The following CTNNA2 variants were observed in gnomAD, a reference collection of about 807,000 sequenced individuals.
The protein encoded by CTNNA2 is catenin alpha 2, also known as catenin alpha-2.
In CTNNA2, 42 loss-of-function variants were observed where a neutral mutation model predicts 101.0. The observed-to-expected ratio is 0.42, with a 90% CI of 0.32 to 0.54. The LOEUF is 0.54. Ranked by LOEUF, CTNNA2 falls within the 20% of genes least tolerant of loss-of-function variation. CTNNA2 has a pLI of 0.14. For missense variants in CTNNA2, 871 were observed against 1,223.1 expected (o/e 0.71, Z 4.29); for synonymous variants, 450 against 456.4 (o/e 0.99, Z 0.18).
At chr2:80,416,001 G>A (rs898123507) in intron 8 of CTNNA2, among the ~76,000 whole-genome samples, 3 of 152,078 alleles carry the variant, frequency 2.0e-5, no homozygotes, top group Non-Finnish European at 4.4e-5. Flanking sequence ...AAACAAACAA[G>A]AGGTGGAACT....
intron 7 of CTNNA2, among the ~76,000 whole-genome samples, chr2:79,996,219 C>T (rs1262551239): frequency 1.3e-5 from 2 of 152,104 alleles, no homozygotes; most frequent in African/African-American, 4.8e-5. Flanking sequence ...TGTGTGAGTA[C>T]CACATAAAAT....
intron 1 of CTNNA2, chr2:79,523,389 A>C (rs1030386250): frequency 1.3e-5 from 3 of 238,926 alleles, no homozygotes; most frequent in Non-Finnish European, 1.7e-5. Flanking sequence ...TTCATTTTAC[A>C]TATAGTTTAA....
rs1378356635 is a variant in CTNNA2, at chr2:80,313,446, G to A, written c.1057-79765G>A. On this transcript the variant is annotated intron_variant, in intron 7 of 18. Transcript: ENST00000402739. Reference sequence around the variant, plus strand: ...CACAGTTCTGGAGTGGAGATGATGAGTAACAAACCAATATTATTCATGCTA... The same window carrying A: ...CACAGTTCTGGAGTGGAGATGATGAATAACAAACCAATATTATTCATGCTA... The A allele has an allele frequency of 4.7e-6, 7 of 1,498,350 alleles. No homozygotes were observed. The African/African-American group carries it at 5.6e-5, about 12-fold the overall frequency. The allele number at this position is 1,498,350 out of a possible 1,614,324, so 92.8% of individuals were successfully genotyped here. A position where few individuals can be genotyped will look rare whatever the true frequency, so the allele number is the denominator to read the frequency against.
chr2:79,667,500 C>T (rs1174656781), intron 2 of CTNNA2, among the ~76,000 whole-genome samples: 2 of 152,106 alleles, frequency 1.3e-5, no homozygotes, highest in Non-Finnish European at 1.5e-5. Context: ...CCAGTTTAAA[C>T]TCATTGGGAG....
chr2:79,312,411 T>G (rs900972082), intron 2 of CTNNA2, among the ~76,000 whole-genome samples: 3 of 152,222 alleles, frequency 2.0e-5, no homozygotes, highest in Non-Finnish European at 2.9e-5. Flanking sequence ...GTGTGTATAC[T>G]CTGTCTTTCC....
intron 3 of CTNNA2, among the ~76,000 whole-genome samples, chr2:79,851,105 C>G (rs1421700794): frequency 6.6e-6 from 1 of 152,226 alleles, no homozygotes; most frequent in Non-Finnish European, 1.5e-5. Flanking sequence ...TATCAAAGAA[C>G]CACTCACTTA....
intron 7 of CTNNA2, among the ~76,000 whole-genome samples, chr2:79,934,306 C>T (rs1358106022): frequency 6.6e-6 from 1 of 152,182 alleles, no homozygotes; most frequent in African/African-American, 2.4e-5. Flanking sequence ...ACTGTAAAAA[C>T]AGCAATTACT....
chr2:79,890,847 G>A (rs1456163544), intron 6 of CTNNA2, among the ~76,000 whole-genome samples: 1 of 137,596 alleles, frequency 7.3e-6, no homozygotes, highest in Non-Finnish European at 1.5e-5. Flanking sequence ...AGTTTCTTGT[G>A]AGCGCTCACT....
At chr2:79,558,388 A>C (rs140538269) in intron 1 of CTNNA2, among the ~76,000 whole-genome samples, 26 of 152,082 alleles carry the variant, frequency 1.7e-4, no homozygotes, top group Admixed American at 6.6e-4. Context: ...CAGGTTTTAC[A>C]AAAGTATTCA....
intron 4 of CTNNA2, among the ~76,000 whole-genome samples, chr2:79,469,060 A>G (rs1670969478): frequency 2.0e-5 from 3 of 152,342 alleles, no homozygotes; most frequent in African/African-American, 4.8e-5. Flanking sequence ...AGAGACACAA[A>G]AAACCCTTCA....
chr2:80,162,568 G>C, intron 7 of CTNNA2: 1 of 1,609,650 alleles, frequency 6.2e-7, no homozygotes, highest in Non-Finnish European at 8.5e-7. Context: ...CCTCTGTAAT[G>C]ATGGTCAGAC....
At chr2:80,192,143 C>A (rs567760703) in intron 7 of CTNNA2, among the ~76,000 whole-genome samples, 33 of 152,282 alleles carry the variant, frequency 2.2e-4, no homozygotes, top group African/African-American at 7.9e-4. Context: ...GCAGACATAA[C>A]TTTGGAGGAA....
chr2:79,401,108 T>C (rs1045765260), intron 4 of CTNNA2, among the ~76,000 whole-genome samples: 3 of 151,758 alleles, frequency 2.0e-5, no homozygotes, highest in African/African-American at 7.3e-5. Flanking sequence ...AGGGCTAATA[T>C]GAAAGGTCAC....
intron 7 of CTNNA2, among the ~76,000 whole-genome samples, chr2:80,091,285 T>A (rs1284299691): frequency 6.6e-6 from 1 of 152,068 alleles, no homozygotes; most frequent in Non-Finnish European, 1.5e-5. Flanking sequence ...TTCGACTTGT[T>A]TTCTAGCCTT....
chr2:80,282,119 T>C (rs993150608), intron 7 of CTNNA2, among the ~76,000 whole-genome samples: 3 of 152,076 alleles, frequency 2.0e-5, no homozygotes, highest in African/African-American at 7.2e-5. Flanking sequence ...CAGCTAGTGA[T>C]AGGTCACAGG....
chr2:79,517,301 G>C (rs1276954569), intron 1 of CTNNA2, among the ~76,000 whole-genome samples: 1 of 152,150 alleles, frequency 6.6e-6, no homozygotes, highest in Non-Finnish European at 1.5e-5. Context: ...CAAGTTTGAA[G>C]TATCAGTATT....
intron 16 of CTNNA2, among the ~76,000 whole-genome samples, chr2:80,604,923 T>C (rs780821160): frequency 2.6e-5 from 4 of 151,956 alleles, no homozygotes; most frequent in Non-Finnish European, 4.4e-5. Context: ...TGTTTTTAAA[T>C]GTAGAAATAA....
At chr2:80,560,873 G>T (rs3755099) in intron 12 of CTNNA2, among the ~76,000 whole-genome samples, 40,748 of 152,128 alleles carry the variant, frequency 0.27, 6,535 homozygotes, top group East Asian at 0.41. Flanking sequence ...GCCTAGAATG[G>T]TGTTTTCAGT....
intron 2 of CTNNA2, among the ~76,000 whole-genome samples, chr2:79,244,670 G>A (rs574568523): frequency 2.6e-5 from 4 of 152,330 alleles, no homozygotes; most frequent in East Asian, 1.9e-4. Flanking sequence ...TGATAGCAGC[G>A]ATTTCACTGA....
Sources: allele counts gnomAD v4.1 joint callset (sites outside exome capture counted in the v4.1 genomes callset), GRCh38; gene constraint gnomAD v4.1.1; transcripts MANE v1.5; gene names NCBI Gene and HGNC (gene_info 2026-07-23, HGNC 2026-07-21).